KHDRBS2: variants seen among roughly 807,000 people sequenced by gnomAD.
KHDRBS2 encodes the protein KH RNA binding domain containing, signal transduction associated 2.
In KHDRBS2, 26 loss-of-function variants were observed where a neutral mutation model predicts 44.3. The ratio of observed to expected loss-of-function variants is 0.59; its 90% CI spans 0.43 to 0.81. The LOEUF (loss-of-function observed/expected upper bound fraction) is 0.81, where lower values mean the gene tolerates loss of function less well. Among genes scored for constraint, KHDRBS2 ranks in the 40% least tolerant of loss-of-function variants. The probability of loss-of-function intolerance (pLI) is 0.00; values close to 1 mark genes in which losing one functional copy is unlikely to be tolerated. For synonymous variants in KHDRBS2, 194 were observed against 151.1 expected (o/e 1.28, Z -2.08); for missense variants, 476 against 433.1 (o/e 1.10, Z -0.88).
chr6:62,271,490 T>G (rs1840084778), intron 1 of KHDRBS2, among the ~76,000 whole-genome samples: 1 of 152,220 alleles, frequency 6.6e-6, no homozygotes, highest in Admixed American at 6.5e-5. Context: ...AATATGCTCC[T>G]CAACTTACAT....
At chr6:61,922,975 C>T (rs2127360404) in intron 4 of KHDRBS2, among the ~76,000 whole-genome samples, 1 of 152,014 alleles carries the variant, frequency 6.6e-6, no homozygotes, top group Non-Finnish European at 1.5e-5. Flanking sequence ...TGTAAATTGA[C>T]CCAGAATTGA....
chr6:61,756,846 T>G (rs1420708750), intron 6 of KHDRBS2, among the ~76,000 whole-genome samples: 1 of 152,224 alleles, frequency 6.6e-6, no homozygotes, highest in African/African-American at 2.4e-5. Flanking sequence ...CTCTTGCTAT[T>G]TTGTAATTCC....
chr6:62,017,161 A>T (rs57260226), intron 3 of KHDRBS2, among the ~76,000 whole-genome samples: 3,433 of 152,196 alleles, frequency 0.023, 132 homozygotes, highest in African/African-American at 0.076. Context: ...CCTAATCTTC[A>T]GATTGATGGA....
At chr6:61,866,377 C>G (rs1375982011) in intron 6 of KHDRBS2, among the ~76,000 whole-genome samples, 1 of 152,224 alleles carries the variant, frequency 6.6e-6, no homozygotes, top group Non-Finnish European at 1.5e-5. Context: ...GGTCCGAGCT[C>G]TATGTCGGCC....
chr6:61,848,840 G>A (rs936553630), intron 6 of KHDRBS2, among the ~76,000 whole-genome samples: 5 of 150,298 alleles, frequency 3.3e-5, no homozygotes, highest in African/African-American at 9.8e-5. Flanking sequence ...TTTATATTTC[G>A]ACCTATGATA....
intron 1 of KHDRBS2, among the ~76,000 whole-genome samples, chr6:62,273,817 T>C (rs1035099600): frequency 6.6e-6 from 1 of 152,172 alleles, no homozygotes; most frequent in African/African-American, 2.4e-5. Flanking sequence ...TTTTAATAAA[T>C]ATCTCAGTAA....
the KHDRBS2 span, among the ~76,000 whole-genome samples, chr6:61,638,731 A>G: frequency 6.6e-6 from 1 of 152,186 alleles, no homozygotes; most frequent in African/African-American, 2.4e-5. Flanking sequence ...GAGAATTTAT[A>G]GTTCAACATA....
chr6:61,663,166 C>A, the KHDRBS2 span, among the ~76,000 whole-genome samples: 1 of 144,702 alleles, frequency 6.9e-6, no homozygotes, highest in Non-Finnish European at 1.5e-5. Flanking sequence ...AACCAAACGC[C>A]GCGTGTTCTC....
intron 4 of KHDRBS2, among the ~76,000 whole-genome samples, chr6:61,936,620 A>G (rs1378023650): frequency 1.3e-5 from 2 of 151,824 alleles, no homozygotes; most frequent in Non-Finnish European, 2.9e-5. Context: ...GCTTCAGCTT[A>G]TCTTGTCCAG....
the KHDRBS2 span, among the ~76,000 whole-genome samples, chr6:61,543,820 G>A: frequency 6.6e-6 from 1 of 152,062 alleles, no homozygotes; most frequent in Admixed American, 6.6e-5. Context: ...GGAGCTGGAG[G>A]TCATTTTGTT....
intron 4 of KHDRBS2, 83 bp from the exon 5 acceptor site, chr6:61,901,454 AAAC>A: frequency 2.5e-6 from 1 of 392,354 alleles, no homozygotes; most frequent in Non-Finnish European, 3.8e-6. Context: ...AAACAAAACA[AAAC>A]GCAATAGGAA....
chr6:61,654,159 G>T, the KHDRBS2 span, among the ~76,000 whole-genome samples: 1 of 151,946 alleles, frequency 6.6e-6, no homozygotes, highest in Non-Finnish European at 1.5e-5. Flanking sequence ...ATCATTCTTT[G>T]TGAGTTACTA....
the KHDRBS2 span, among the ~76,000 whole-genome samples, chr6:61,560,628 A>C: frequency 6.6e-6 from 1 of 151,946 alleles, no homozygotes; most frequent in Admixed American, 6.6e-5. Context: ...TTCCAATTGC[A>C]TTTTTCAGAT....
chr6:62,050,665 A>G (rs1305803763), intron 2 of KHDRBS2, among the ~76,000 whole-genome samples: 1 of 152,034 alleles, frequency 6.6e-6, no homozygotes, highest in South Asian at 2.1e-4. Context: ...GCTGATGAAG[A>G]TGTGTAATTA....
At chr6:61,978,670 G>A (rs1386326465) in intron 3 of KHDRBS2, among the ~76,000 whole-genome samples, 1 of 152,064 alleles carries the variant, frequency 6.6e-6, no homozygotes, top group African/African-American at 2.4e-5. Context: ...ACTTGATTGT[G>A]ATAAAAAGTA....
intron 8 of KHDRBS2, among the ~76,000 whole-genome samples, chr6:61,693,648 T>A (rs1767603179): frequency 6.6e-6 from 1 of 152,196 alleles, no homozygotes; most frequent in African/African-American, 2.4e-5. Flanking sequence ...TATTACTTTA[T>A]TATGAAGAAT....
chr6:62,072,250 A>G (rs895830643), intron 2 of KHDRBS2, among the ~76,000 whole-genome samples: 27 of 152,136 alleles, frequency 1.8e-4, no homozygotes, highest in Non-Finnish European at 3.4e-4. Context: ...GGCTGAGACG[A>G]TGGGGTTTTC....
intron 2 of KHDRBS2, among the ~76,000 whole-genome samples, chr6:62,076,100 C>T (rs1157375089): frequency 1.3e-5 from 2 of 151,864 alleles, no homozygotes; most frequent in African/African-American, 2.4e-5. Context: ...AATATCTATA[C>T]TTATTTCTCC....
chr6:62,034,693 G>GAAAAAAAA (rs1171214560), intron 3 of KHDRBS2, among the ~76,000 whole-genome samples: 8 of 60,740 alleles, frequency 1.3e-4, no homozygotes, highest in Non-Finnish European at 2.1e-4. Flanking sequence ...ATTCTGAACA[G>GAAAAAAAA]AAAAAAAAAA....
Sources: gnomAD v4.1 joint callset for allele counts (sites outside exome capture counted in the v4.1 genomes callset) on GRCh38, gnomAD v4.1.1 for gene constraint, MANE v1.5 for transcripts, NCBI Gene and HGNC (gene_info 2026-07-23, HGNC 2026-07-21) for gene names.